Variants in CSMD1 observed in about 807,000 individuals in gnomAD.
The protein encoded by CSMD1 is CUB and Sushi multiple domains 1.
CSMD1 carries 213 observed loss-of-function variants against 417.5 expected under a neutral mutation model. The observed-to-expected ratio is 0.51, with a 90% CI of 0.46 to 0.57. CSMD1 has a LOEUF of 0.57. Among genes scored for constraint, CSMD1 ranks in the 20% least tolerant of loss-of-function variants. CSMD1 has a pLI of 0.00. For missense variants in CSMD1, 6,923 were observed against 4,529.7 expected (o/e 1.53, Z -15.17); for synonymous variants, 2,862 against 1,736.8 (o/e 1.65, Z -16.11).
intron 25 of CSMD1, among the ~76,000 whole-genome samples, chr8:3,285,924 C>T (rs1269650224): frequency 3.9e-5 from 6 of 152,028 alleles, no homozygotes; most frequent in Non-Finnish European, 8.8e-5. Flanking sequence ...TGTTGGTCTG[C>T]TGCACCCATT....
chr8:3,136,428 C>A (rs756069571), intron 41 of CSMD1, among the ~76,000 whole-genome samples: 1 of 151,870 alleles, frequency 6.6e-6, no homozygotes, highest in Non-Finnish European at 1.5e-5. Context: ...CCATGCCCAG[C>A]TAGTATTTGT....
chr8:4,142,031 A>G (rs1328296164), intron 3 of CSMD1, among the ~76,000 whole-genome samples: 1 of 145,764 alleles, frequency 6.9e-6, no homozygotes, highest in African/African-American at 2.5e-5. Flanking sequence ...TCTATATTCA[A>G]AGATGTTTTA....
intron 3 of CSMD1, among the ~76,000 whole-genome samples, chr8:4,286,091 T>C (rs1362268516): frequency 6.6e-6 from 1 of 152,122 alleles, no homozygotes; most frequent in East Asian, 1.9e-4. Flanking sequence ...AAATACACAT[T>C]ATTCTTTATG....
chr8:4,965,960 C>G (rs1221056585), intron 1 of CSMD1, among the ~76,000 whole-genome samples: 1 of 152,144 alleles, frequency 6.6e-6, no homozygotes. Context: ...GTGAGCATAA[C>G]TCAAGTTTAC....
At chr8:3,962,378 A>T (rs1263912077) in intron 5 of CSMD1, among the ~76,000 whole-genome samples, 2 of 152,178 alleles carry the variant, frequency 1.3e-5, no homozygotes, top group African/African-American at 4.8e-5. Context: ...GTCAGGCAGC[A>T]CGGGCGTTGT....
At chr8:4,787,878 T>C (rs1000738817) in intron 1 of CSMD1, 222 of 1,575,684 alleles carry the variant, frequency 1.4e-4, no homozygotes, top group Non-Finnish European at 1.3e-4. Flanking sequence ...CACTGGTTGA[T>C]ATGAAGATTG....
At chr8:3,578,579 C>T (rs1308746256) in intron 9 of CSMD1, among the ~76,000 whole-genome samples, 5 of 152,228 alleles carry the variant, frequency 3.3e-5, no homozygotes, top group South Asian at 2.1e-4. Context: ...TGGGAGGTCA[C>T]GAAACGATGC....
chr8:3,044,665 C>T (rs565093134), intron 50 of CSMD1, among the ~76,000 whole-genome samples: 9 of 152,080 alleles, frequency 5.9e-5, no homozygotes, highest in South Asian at 2.1e-4. Context: ...ACATCTGCCT[C>T]GGAGATCTGC....
At chr8:3,983,080 T>A (rs991115853) in intron 5 of CSMD1, among the ~76,000 whole-genome samples, 1 of 151,626 alleles carries the variant, frequency 6.6e-6, no homozygotes, top group Non-Finnish European at 1.5e-5. Context: ...CCCAGGAGCC[T>A]CTAATGATGT....
chr8:3,047,418 G>A (rs1207676450), intron 50 of CSMD1, among the ~76,000 whole-genome samples: 2 of 152,006 alleles, frequency 1.3e-5, no homozygotes, highest in Admixed American at 6.6e-5. Flanking sequence ...GGCTCTAAGG[G>A]CAGGAGATAT....
chr8:4,834,792 T>G (rs1394414967), intron 1 of CSMD1, among the ~76,000 whole-genome samples: 1 of 150,154 alleles, frequency 6.7e-6, no homozygotes. Context: ...CCGTCTCTAC[T>G]AAAAACACAA....
At chr8:4,007,494 C>G (rs1399611188) in intron 4 of CSMD1, among the ~76,000 whole-genome samples, 1 of 152,124 alleles carries the variant, frequency 6.6e-6, no homozygotes, top group East Asian at 1.9e-4. Context: ...TCCTGCCCGC[C>G]CTCTCTGGCC....
At chr8:4,315,626 A>C (rs1258624952) in intron 3 of CSMD1, among the ~76,000 whole-genome samples, 1 of 152,194 alleles carries the variant, frequency 6.6e-6, no homozygotes, top group Non-Finnish European at 1.5e-5. Context: ...TGGTTTCCAA[A>C]GATAAAATGA....
chr8:4,394,591 A>C (rs1804075771), intron 3 of CSMD1, among the ~76,000 whole-genome samples: 1 of 152,118 alleles, frequency 6.6e-6, no homozygotes, highest in African/African-American at 2.4e-5. Context: ...GGATGCCCCC[A>C]GTAGCTGCAG....
chr8:3,707,082 G>A (rs976155778), intron 7 of CSMD1, among the ~76,000 whole-genome samples: 1 of 152,078 alleles, frequency 6.6e-6, no homozygotes, highest in Non-Finnish European at 1.5e-5. Flanking sequence ...AGGCCCAGGG[G>A]ACATGTTTAC....
chr8:3,590,986 T>C (rs190071927), intron 8 of CSMD1, among the ~76,000 whole-genome samples: 32 of 152,314 alleles, frequency 2.1e-4, no homozygotes, highest in Non-Finnish European at 1.0e-4. Context: ...CATCAGATAA[T>C]CTAACTTGGT....
At position 3,282,785 on chromosome 8, in the gene CSMD1, A is replaced by T. The variant is rs912071588; in HGVS notation, c.4153+1359T>A. Reference sequence around the variant, plus strand: ...AGAAATTGTGCAGACTATAACCTCAATTATATTAGCAACCTTTTAAAGCAT... The same window carrying T: ...AGAAATTGTGCAGACTATAACCTCATTTATATTAGCAACCTTTTAAAGCAT... On this transcript the variant is annotated intron_variant, in intron 26 of 69. Coordinates refer to ENST00000635120, the MANE Select transcript of CSMD1 (RefSeq NM_033225.6). Among the ~76,000 whole-genome samples the T allele has an allele frequency of 3.9e-4, 60 of 152,200 alleles. 1 individual carries two copies. The highest frequency in any genetic ancestry group is 1.5e-5 in the Non-Finnish European group (1 of 68,034).
At chr8:4,151,395 A>C (rs1796563563) in intron 3 of CSMD1, among the ~76,000 whole-genome samples, 1 of 152,234 alleles carries the variant, frequency 6.6e-6, no homozygotes, top group East Asian at 1.9e-4. Flanking sequence ...GCTGACCAAG[A>C]AAAATACTCT....
At chr8:4,779,726 A>C (rs1463982210) in intron 1 of CSMD1, among the ~76,000 whole-genome samples, 1 of 152,098 alleles carries the variant, frequency 6.6e-6, no homozygotes, top group Non-Finnish European at 1.5e-5. Context: ...AAACCAAAGG[A>C]AAGTGTAAAT....
Sources: gnomAD v4.1 joint callset for allele counts (sites outside exome capture counted in the v4.1 genomes callset) on GRCh38, gnomAD v4.1.1 for gene constraint, MANE v1.5 for transcripts, NCBI Gene and HGNC (gene_info 2026-07-23, HGNC 2026-07-21) for gene names.